NEMP2: variants seen among roughly 807,000 people sequenced by gnomAD.
The protein encoded by NEMP2 is UPF0571 transmembrane protein.
NEMP2 carries 53 observed loss-of-function variants against 54.2 expected under a neutral mutation model. That is an observed-to-expected ratio of 0.98 (90% CI 0.78 to 1.23). NEMP2 has a LOEUF of 1.23. Ranked by LOEUF, NEMP2 falls within the 50% of genes most tolerant of loss-of-function variation. NEMP2 has a pLI of 0.00. For missense variants in NEMP2, 455 were observed against 511.3 expected, an observed-to-expected ratio of 0.89 and a Z score of 1.06; for synonymous variants, 197 against 190.3, an observed-to-expected ratio of 1.04 and a Z score of -0.29.
chr2:190,603,632 G>A, the NEMP2 span, among the ~76,000 whole-genome samples: 2 of 148,118 alleles, frequency 1.4e-5, no homozygotes, highest in Admixed American at 6.8e-5. Context: ...GTTGACACCC[G>A]GGGAGCTCTG....
chr2:190,499,843 A>G, downstream of NEMP2: 1 of 1,545,904 alleles, frequency 6.5e-7, no homozygotes, highest in Non-Finnish European at 8.7e-7. The surrounding 1 kb of genome is among the most constrained non-coding windows in gnomAD (Gnocchi z 6.0). Context: ...TGCACATAGG[A>G]AAGGAGATGA....
At chr2:190,475,134 A>G in the NEMP2 span, among the ~76,000 whole-genome samples, 1 of 152,216 alleles carries the variant, frequency 6.6e-6, no homozygotes, top group African/African-American at 2.4e-5. Flanking sequence ...AACTGGAAGC[A>G]TTCCCTTTGA....
the NEMP2 span, among the ~76,000 whole-genome samples, chr2:190,598,223 C>A: frequency 6.6e-6 from 1 of 152,126 alleles, no homozygotes; most frequent in Non-Finnish European, 1.5e-5. Context: ...TGGTTGAAAA[C>A]CACTGTTTAA....
At chr2:190,457,304 A>G in the NEMP2 span, among the ~76,000 whole-genome samples, 25 of 152,202 alleles carry the variant, frequency 1.6e-4, no homozygotes, top group Non-Finnish European at 3.2e-4. The surrounding 1 kb of genome is among the most constrained non-coding windows in gnomAD (Gnocchi z 5.1). Context: ...AGCGAGCTGG[A>G]TGCTATGGCT....
At chr2:190,494,905 G>A in the NEMP2 span, among the ~76,000 whole-genome samples, 1 of 152,102 alleles carries the variant, frequency 6.6e-6, no homozygotes, top group Admixed American at 6.6e-5. The surrounding 1 kb of genome is among the most constrained non-coding windows in gnomAD (Gnocchi z 5.7). Context: ...ACTGAACAGG[G>A]AGAAGTTGGA....
At chr2:190,560,085 G>GT in the NEMP2 span, among the ~76,000 whole-genome samples, 3 of 152,220 alleles carry the variant, frequency 2.0e-5, no homozygotes, top group Non-Finnish European at 4.4e-5. This position sits in a 1 kb window ranked among gnomAD's most constrained non-coding sequence, Gnocchi z 5.4. Flanking sequence ...AAGACCACTT[G>GT]TAAGTACTGA....
chr2:190,579,477 G>A, the NEMP2 span, among the ~76,000 whole-genome samples: 25 of 152,170 alleles, frequency 1.6e-4, no homozygotes, highest in African/African-American at 5.1e-4. Context: ...TAAGATGCCC[G>A]AAGAATTATG....
the NEMP2 span, among the ~76,000 whole-genome samples, chr2:190,577,962 A>G: frequency 1.3e-5 from 2 of 152,220 alleles, no homozygotes; most frequent in Non-Finnish European, 2.9e-5. This position sits in a 1 kb window ranked among gnomAD's most constrained non-coding sequence, Gnocchi z 4.8. Context: ...TACATTCTAT[A>G]TTTTATTGAT....
At chr2:190,489,573 A>G in the NEMP2 span, among the ~76,000 whole-genome samples, 6 of 152,344 alleles carry the variant, frequency 3.9e-5, no homozygotes, top group East Asian at 3.9e-4. The surrounding 1 kb of genome is among the most constrained non-coding windows in gnomAD (Gnocchi z 6.6). Flanking sequence ...GACAGATCCA[A>G]TATCAGCCCT....
chr2:190,584,997 T>G, the NEMP2 span, among the ~76,000 whole-genome samples: 1 of 152,126 alleles, frequency 6.6e-6, no homozygotes, highest in Non-Finnish European at 1.5e-5. This position sits in a 1 kb window ranked among gnomAD's most constrained non-coding sequence, Gnocchi z 4.2. Flanking sequence ...TCCAGTCAGT[T>G]GGAAAGCTTG....
At chr2:190,561,354 G>T in the NEMP2 span, among the ~76,000 whole-genome samples, 1 of 152,184 alleles carries the variant, frequency 6.6e-6, no homozygotes, top group Non-Finnish European at 1.5e-5. The surrounding 1 kb of genome is among the most constrained non-coding windows in gnomAD (Gnocchi z 5.4). Flanking sequence ...GCTCGAGCAA[G>T]GGTGGCTTAA....
chr2:190,554,343 A>C, the NEMP2 span, among the ~76,000 whole-genome samples: 128 of 152,230 alleles, frequency 8.4e-4, no homozygotes, highest in African/African-American at 2.9e-3. This position sits in a 1 kb window ranked among gnomAD's most constrained non-coding sequence, Gnocchi z 5.7. Flanking sequence ...GAAGCCAGGG[A>C]GCCAAGTGGT....
chr2:190,485,121 T>C, the NEMP2 span, among the ~76,000 whole-genome samples: 1 of 152,192 alleles, frequency 6.6e-6, no homozygotes, highest in Non-Finnish European at 1.5e-5. The surrounding 1 kb of genome is among the most constrained non-coding windows in gnomAD (Gnocchi z 5.1). Flanking sequence ...GTCATCCCAC[T>C]GGAAAATGCT....
At chr2:190,607,402 A>T in the NEMP2 span, among the ~76,000 whole-genome samples, 4 of 152,188 alleles carry the variant, frequency 2.6e-5, no homozygotes, top group African/African-American at 7.2e-5. This position sits in a 1 kb window ranked among gnomAD's most constrained non-coding sequence, Gnocchi z 5.2. Context: ...AGCTTTTAAA[A>T]ATACCAAAGC....
At chr2:190,563,536 AT>A in the NEMP2 span, among the ~76,000 whole-genome samples, 1 of 151,772 alleles carries the variant, frequency 6.6e-6, no homozygotes, top group East Asian at 1.9e-4. The surrounding 1 kb of genome is among the most constrained non-coding windows in gnomAD (Gnocchi z 4.3). Context: ...TGCTTAGATT[AT>A]TTTTTCAATA....
chr2:190,469,564 T>C, the NEMP2 span: 1 of 293,134 alleles, frequency 3.4e-6, no homozygotes, highest in South Asian at 1.4e-4. The surrounding 1 kb of genome is among the most constrained non-coding windows in gnomAD (Gnocchi z 5.3). Flanking sequence ...TATTCCTAAA[T>C]TCATGCTTAA....
the NEMP2 span, among the ~76,000 whole-genome samples, chr2:190,647,564 T>C: frequency 6.6e-6 from 1 of 152,208 alleles, no homozygotes; most frequent in African/African-American, 2.4e-5. Flanking sequence ...AGTAGTTTTA[T>C]ATTAATGAAT....
the NEMP2 span, among the ~76,000 whole-genome samples, chr2:190,483,627 G>A: frequency 6.6e-6 from 1 of 152,072 alleles, no homozygotes; most frequent in African/African-American, 2.4e-5. Flanking sequence ...ACGAGGTCAA[G>A]AGATCAAGAC....
chr2:190,447,098 A>AAT, the NEMP2 span, among the ~76,000 whole-genome samples: 20 of 152,026 alleles, frequency 1.3e-4, no homozygotes, highest in Non-Finnish European at 2.6e-4. This position sits in a 1 kb window ranked among gnomAD's most constrained non-coding sequence, Gnocchi z 4.5. Flanking sequence ...GTAAAAAAAA[A>AAT]AACTTGAAAG....
Sources: gnomAD v4.1 joint callset for allele counts (sites outside exome capture counted in the v4.1 genomes callset) on GRCh38, gnomAD v4.1.1 for gene constraint, Gnocchi (gnomAD v3.1) non-coding constraint, MANE v1.5 for transcripts, NCBI Gene and HGNC (gene_info 2026-07-23, HGNC 2026-07-21) for gene names.